MICU1: variants seen among roughly 807,000 people sequenced by gnomAD.
MICU1 encodes the protein calcium uptake protein 1, mitochondrial.
Under a neutral mutation model 56.8 loss-of-function variants are expected in MICU1, and 45 were observed. The observed-to-expected ratio is 0.79, with a 90% CI of 0.62 to 1.02. The LOEUF (loss-of-function observed/expected upper bound fraction) is 1.02, where lower values mean the gene tolerates loss of function less well. MICU1 is among the 50% of genes least tolerant of loss of function. MICU1 has a pLI of 0.00. For synonymous variants in MICU1, 186 were observed against 195.1 expected (o/e 0.95, Z 0.39); for missense variants, 504 against 587.1 (o/e 0.86, Z 1.46).
At chr10:72,621,498 A>G (rs372135058) in intron 1 of MICU1, among the ~76,000 whole-genome samples, 1 of 152,072 alleles carries the variant, frequency 6.6e-6, no homozygotes, top group Non-Finnish European at 1.5e-5. Context: ...GTCTCAAAAA[A>G]TAATAATAAT....
At chr10:72,586,013 C>CTTTTTTTTTTTTTTTTTTTTTTTTTTTTT (rs71021511) in intron 1 of MICU1, among the ~76,000 whole-genome samples, 3 of 74,682 alleles carry the variant, frequency 4.0e-5, no homozygotes, top group African/African-American at 5.6e-5. Flanking sequence ...TTTTTTTTTT[C>CTTTTTTTTTTTTTTTTTTTTTTTTTTTTT]TTTTTTTTTT....
intron 8 of MICU1, among the ~76,000 whole-genome samples, chr10:72,444,564 C>G (rs1443887423): frequency 6.7e-6 from 1 of 149,692 alleles, no homozygotes; most frequent in Non-Finnish European, 1.5e-5. Flanking sequence ...ATTCTCCTGT[C>G]TCAGCCTCTC....
intron 10 of MICU1, among the ~76,000 whole-genome samples, chr10:72,394,255 G>C (rs1863173196): frequency 6.6e-6 from 1 of 152,116 alleles, no homozygotes; most frequent in African/African-American, 2.4e-5. Flanking sequence ...GTCCAACAAG[G>C]TCACAATCAC....
chr10:72,435,619 G>A (rs534517413), intron 8 of MICU1, among the ~76,000 whole-genome samples: 1 of 152,302 alleles, frequency 6.6e-6, no homozygotes. Context: ...AAGGGGTTGG[G>A]GGATTTCCCT....
chr10:72,580,768 T>C (rs949920476), intron 1 of MICU1, among the ~76,000 whole-genome samples: 26 of 152,334 alleles, frequency 1.7e-4, no homozygotes, highest in Middle Eastern at 6.8e-3. Flanking sequence ...TGAACCACTG[T>C]GCCCGGCCAA....
chr10:72,376,040 C>T (rs1038175934), intron 10 of MICU1, among the ~76,000 whole-genome samples, 168 bp from the exon 11 acceptor site: 2 of 152,140 alleles, frequency 1.3e-5, no homozygotes, highest in African/African-American at 4.8e-5. Context: ...CCTGTAATTC[C>T]AGCACTTTGG....
intron 1 of MICU1, among the ~76,000 whole-genome samples, chr10:72,578,452 G>A (rs1412213687): frequency 2.0e-5 from 3 of 146,930 alleles, no homozygotes; most frequent in Non-Finnish European, 3.0e-5. Flanking sequence ...TTTAGTAGAG[G>A]TGGGGTTTCA....
chr10:72,390,274 G>A (rs1047222089), intron 10 of MICU1, among the ~76,000 whole-genome samples: 1 of 152,152 alleles, frequency 6.6e-6, no homozygotes, highest in African/African-American at 2.4e-5. Context: ...ATCTGCAGTG[G>A]CCACCTGCCT....
intron 1 of MICU1, among the ~76,000 whole-genome samples, chr10:72,616,792 TC>T (rs1841994260): frequency 6.6e-6 from 1 of 152,196 alleles, no homozygotes; most frequent in Non-Finnish European, 1.5e-5. Flanking sequence ...TTGAGACGGA[TC>T]CTCTGTAGTT....
chr10:72,416,312 C>T (rs968387234), intron 9 of MICU1, among the ~76,000 whole-genome samples: 1 of 152,120 alleles, frequency 6.6e-6, no homozygotes, highest in Non-Finnish European at 1.5e-5. Context: ...GTAACAACAA[C>T]AACAACAAAA....
intron 6 of MICU1, among the ~76,000 whole-genome samples, chr10:72,496,354 T>G (rs982929292): frequency 1.3e-5 from 2 of 148,790 alleles, no homozygotes; most frequent in Non-Finnish European, 3.0e-5. Flanking sequence ...CAGGCTGGAG[T>G]GCAATGGCAT....
rs537574389 is a variant in MICU1 at position 72,492,974 on chromosome 10, G to A, written c.652+15181C>T. Among the ~76,000 whole-genome samples the A allele has an allele frequency of 3.0e-3, 461 of 151,450 alleles. 3 individuals carry two copies. The highest frequency in any genetic ancestry group is 0.01 in the Middle Eastern group (3 of 290). The stretch of plus-strand genomic sequence containing the variant: ...TCTACTAAAAATACAAAAATTAGCC[G>A]GGCATGGTGGTGCATGCCTGTAATC... On this transcript the variant is annotated intron_variant, in intron 6 of 11. Coordinates refer to ENST00000361114, the MANE Select transcript of MICU1 (RefSeq NM_001195518.2).
intron 11 of MICU1, among the ~76,000 whole-genome samples, chr10:72,375,562 T>C (rs1862488994): frequency 6.6e-6 from 1 of 152,190 alleles, no homozygotes; most frequent in African/African-American, 2.4e-5. Context: ...TATAGGCATA[T>C]TGGAATTATA....
chr10:72,590,460 G>A (rs1360483120), intron 1 of MICU1, among the ~76,000 whole-genome samples: 4 of 152,140 alleles, frequency 2.6e-5, no homozygotes, highest in Non-Finnish European at 2.9e-5. Flanking sequence ...AATAGGTAGA[G>A]ACTGCAAACC....
intron 3 of MICU1, among the ~76,000 whole-genome samples, chr10:72,560,995 GA>G (rs1260526634): frequency 2.0e-5 from 3 of 152,140 alleles, no homozygotes; most frequent in African/African-American, 7.2e-5. Flanking sequence ...AAGAATGACT[GA>G]AAAAAACAGA....
intron 8 of MICU1, 82 bp from the exon 9 acceptor site, chr10:72,423,453 A>C (rs1194055131): frequency 1.4e-6 from 2 of 1,460,616 alleles, no homozygotes; most frequent in African/African-American, 1.4e-5. Flanking sequence ...GCTGTGTTTG[A>C]TGGCAGAAAA....
chr10:72,476,219 T>C (rs1589258435), intron 7 of MICU1, among the ~76,000 whole-genome samples: 1 of 89,526 alleles, frequency 1.1e-5, no homozygotes, highest in Non-Finnish European at 2.1e-5. Context: ...AGAGCGAGAC[T>C]CCATCTCAAA....
intron 8 of MICU1, among the ~76,000 whole-genome samples, chr10:72,429,566 T>C (rs1478817949): frequency 6.6e-6 from 1 of 152,178 alleles, no homozygotes; most frequent in Non-Finnish European, 1.5e-5. Context: ...CTGGCCATAA[T>C]TATAAAACAG....
chr10:72,385,052 A>C (rs1440179756), intron 10 of MICU1, among the ~76,000 whole-genome samples: 1 of 152,146 alleles, frequency 6.6e-6, no homozygotes, highest in Non-Finnish European at 1.5e-5. Context: ...GGCATCACAT[A>C]AAAGCATTGA....
Sources: allele counts gnomAD v4.1 joint callset (sites outside exome capture counted in the v4.1 genomes callset), GRCh38; gene constraint gnomAD v4.1.1; transcripts MANE v1.5; gene names NCBI Gene and HGNC (gene_info 2026-07-23, HGNC 2026-07-21).